The following CDH12 variants were observed in gnomAD, a reference collection of about 807,000 sequenced individuals.
CDH12 encodes the protein cadherin-12.
A neutral mutation model predicts 74.1 loss-of-function variants in CDH12; 41 were observed. That is an observed-to-expected ratio of 0.55 (90% CI 0.43 to 0.72). The LOEUF (loss-of-function observed/expected upper bound fraction) is 0.72, where lower values mean the gene tolerates loss of function less well. Ranked by LOEUF, CDH12 falls within the 30% of genes least tolerant of loss-of-function variation. The pLI is 0.00. For missense variants in CDH12, 945 were observed against 977.2 expected (o/e 0.97, Z 0.44); for synonymous variants, 399 against 355.0 (o/e 1.12, Z -1.39).
intron 3 of CDH12, among the ~76,000 whole-genome samples, chr5:22,303,993 A>T (rs899838535): frequency 6.6e-6 from 1 of 152,184 alleles, no homozygotes; most frequent in African/African-American, 2.4e-5. Flanking sequence ...TAAACATTTT[A>T]TAACAACCCC....
At chr5:21,764,008 T>G (rs1244291024) in intron 12 of CDH12, among the ~76,000 whole-genome samples, 1 of 152,086 alleles carries the variant, frequency 6.6e-6, no homozygotes, top group East Asian at 1.9e-4. Context: ...ATGAGCAAAA[T>G]AAGAAATATA....
At chr5:22,524,295 A>C (rs980988326) in intron 1 of CDH12, among the ~76,000 whole-genome samples, 3 of 152,072 alleles carry the variant, frequency 2.0e-5, no homozygotes, top group Non-Finnish European at 4.4e-5. Context: ...CCTCATTTAT[A>C]ATTTTTATCA....
intron 4 of CDH12, among the ~76,000 whole-genome samples, chr5:22,179,574 G>A (rs116713683): frequency 5.7e-4 from 87 of 152,122 alleles, no homozygotes; most frequent in African/African-American, 2.0e-3. Flanking sequence ...AGATTATAAC[G>A]GCTTGAAGAT....
At chr5:22,843,253 A>T (rs996653453) in intron 1 of CDH12, among the ~76,000 whole-genome samples, 1 of 152,092 alleles carries the variant, frequency 6.6e-6, no homozygotes, top group African/African-American at 2.4e-5. Flanking sequence ...GAAAACACTC[A>T]TAACTTACCA....
intron 6 of CDH12, among the ~76,000 whole-genome samples, chr5:21,951,588 G>A (rs2150101280): frequency 6.6e-6 from 1 of 152,290 alleles, no homozygotes; most frequent in Non-Finnish European, 1.5e-5. Context: ...CTTTCTTGGA[G>A]AAATGACTTT....
intron 4 of CDH12, among the ~76,000 whole-genome samples, chr5:22,187,997 T>G (rs1394872203): frequency 6.6e-6 from 1 of 151,994 alleles, no homozygotes; most frequent in East Asian, 1.9e-4. Flanking sequence ...ATGAGTGTTA[T>G]GCAGATGCCC....
chr5:22,526,394 G>A (rs751563462), intron 1 of CDH12, among the ~76,000 whole-genome samples: 11 of 152,108 alleles, frequency 7.2e-5, no homozygotes, highest in East Asian at 1.9e-4. Flanking sequence ...ACATAGACCC[G>A]GAGAATGGAC....
At chr5:22,143,682 C>G (rs898374933) in intron 4 of CDH12, 2 of 151,930 alleles carry the variant, frequency 1.3e-5, no homozygotes, top group Admixed American at 1.3e-4. Context: ...TCTTGTTTAT[C>G]AGTTCAAAAA....
At chr5:22,369,950 A>G (rs1297091419) in intron 3 of CDH12, among the ~76,000 whole-genome samples, 1 of 152,208 alleles carries the variant, frequency 6.6e-6, no homozygotes, top group Non-Finnish European at 1.5e-5. Context: ...CACAGACACA[A>G]TAACAGAAAA....
At chr5:22,380,815 A>T (rs1411204130) in intron 3 of CDH12, among the ~76,000 whole-genome samples, 2 of 152,124 alleles carry the variant, frequency 1.3e-5, no homozygotes, top group Non-Finnish European at 2.9e-5. Context: ...CAGGGTAATT[A>T]ATACAGAAAT....
chr5:22,051,349 T>G (rs1222203296), intron 5 of CDH12, among the ~76,000 whole-genome samples: 3 of 152,204 alleles, frequency 2.0e-5, no homozygotes, highest in Non-Finnish European at 4.4e-5. Flanking sequence ...CAAATAATAC[T>G]TTCTTTATTG....
At chr5:22,822,792 G>A (rs1256584125) in intron 1 of CDH12, among the ~76,000 whole-genome samples, 2 of 152,182 alleles carry the variant, frequency 1.3e-5, no homozygotes, top group East Asian at 1.9e-4. Context: ...GTGGGACTGT[G>A]AAGTAGTTCA....
intron 3 of CDH12, among the ~76,000 whole-genome samples, chr5:22,273,057 T>A (rs1217881273): frequency 6.6e-6 from 1 of 152,068 alleles, no homozygotes; most frequent in Non-Finnish European, 1.5e-5. Context: ...CAGAACCACC[T>A]CCATGATCTA....
At chr5:22,098,084 C>A (rs1743904272) in intron 4 of CDH12, among the ~76,000 whole-genome samples, 1 of 152,164 alleles carries the variant, frequency 6.6e-6, no homozygotes, top group Admixed American at 6.5e-5. Flanking sequence ...TGTTCTAGAT[C>A]TCAAACATGC....
intron 2 of CDH12, among the ~76,000 whole-genome samples, chr5:22,463,692 T>C (rs1426227102): frequency 6.6e-6 from 1 of 152,190 alleles, no homozygotes. Context: ...CTTTTAATTA[T>C]AAATCTATTA....
At chr5:22,788,021 A>G (rs1212734434) in intron 1 of CDH12, among the ~76,000 whole-genome samples, 2 of 152,208 alleles carry the variant, frequency 1.3e-5, no homozygotes, top group East Asian at 1.9e-4. Context: ...AAGAGAATGA[A>G]TAATAGGAAG....
At chr5:22,557,418 A>G (rs1441416837) in intron 1 of CDH12, among the ~76,000 whole-genome samples, 1 of 152,110 alleles carries the variant, frequency 6.6e-6, no homozygotes, top group Non-Finnish European at 1.5e-5. Flanking sequence ...ACATTTGAGC[A>G]ACGGATACAA....
intron 5 of CDH12, among the ~76,000 whole-genome samples, chr5:22,055,005 C>G (rs185845558): frequency 6.6e-6 from 1 of 152,050 alleles, no homozygotes; most frequent in Non-Finnish European, 1.5e-5. Flanking sequence ...CCAATGTCAC[C>G]CACTTTAAAA....
chr5:21,922,845 T>C (rs964329820), intron 6 of CDH12, among the ~76,000 whole-genome samples: 3 of 152,184 alleles, frequency 2.0e-5, no homozygotes, highest in East Asian at 3.9e-4. Context: ...TTGATAATTA[T>C]CTCTCCAATA....
Sources: allele counts gnomAD v4.1 joint callset (sites outside exome capture counted in the v4.1 genomes callset), GRCh38; gene constraint gnomAD v4.1.1; transcripts MANE v1.5; gene names NCBI Gene and HGNC (gene_info 2026-07-23, HGNC 2026-07-21).